The following DPF3 variants were observed in gnomAD, a reference collection of about 807,000 sequenced individuals.
DPF3 encodes double PHD fingers 3, also known as zinc finger protein DPF3.
Under a neutral mutation model 56.8 loss-of-function variants are expected in DPF3, and 18 were observed. That is an observed-to-expected ratio of 0.32 (90% confidence interval 0.22 to 0.47). DPF3 has a LOEUF of 0.47. Among genes scored for constraint, DPF3 ranks in the 20% least tolerant of loss-of-function variants. The probability of loss-of-function intolerance (pLI) is 1.00; values close to 1 mark genes in which losing one functional copy is unlikely to be tolerated. For synonymous variants in DPF3, 188 were observed against 180.2 expected (o/e 1.04, Z -0.35); for missense variants, 403 against 488.8 (o/e 0.82, Z 1.65).
chr14:72,724,711 G>GGT lies in DPF3; in HGVS notation c.430-984_430-983insAC, dbSNP rs1889323351. Among the ~76,000 whole-genome samples, 10 of 142,310 alleles carry GGT rather than the reference G, an allele frequency of 7.0e-5. No individual in the cohort carries two copies. In the South Asian group the frequency reaches 2.3e-3, roughly 32 times the overall value. The allele number at this position is 142,310 out of a possible 152,430, so 93.4% of individuals were successfully genotyped here. ...AGGGGGCCCAGAGGGGTTTTTGTTT[G>GGT]TTTTTTTTTTTTTCTGAGACAGGGA... On this transcript the variant is annotated intron_variant, in intron 4 of 10. Coordinates refer to ENST00000556509, the MANE Select transcript of DPF3 (RefSeq NM_001280542.3).
At chr14:72,699,129 G>A (rs1223812031) in intron 6 of DPF3, among the ~76,000 whole-genome samples, 1 of 152,178 alleles carries the variant, frequency 6.6e-6, no homozygotes, top group East Asian at 1.9e-4. Flanking sequence ...GGAAGAGACT[G>A]TGGAGAGAGA....
Position 72,714,851 on chromosome 14 carries a change from A to G in DPF3, c.526-350T>C, listed in dbSNP as rs543395907. Among the ~76,000 whole-genome samples the G allele has an allele frequency of 5.3e-5, 8 of 152,140 alleles. No individual in the cohort carries two copies. The South Asian group carries it at 1.5e-3, about 28-fold the overall frequency. On this transcript the variant is annotated intron_variant, in intron 5 of 10. Transcript: ENST00000556509. ...GTACTGAAAAGCCCTCCTCTACCAA[A>G]TTCCCACACACTACCGTGCCACTGA...
chr14:72,632,833 GA>G (rs1256460844), intron 8 of DPF3, among the ~76,000 whole-genome samples: 1 of 101,956 alleles, frequency 9.8e-6, no homozygotes, highest in Non-Finnish European at 1.9e-5. Context: ...AAGGGGAGGG[GA>G]AAGGGAGAGG....
intron 1 of DPF3, chr14:72,879,980 A>G: frequency 4.1e-6 from 6 of 1,457,766 alleles, no homozygotes; most frequent in Non-Finnish European, 4.5e-6. Context: ...AAAAAGAAAC[A>G]CCCATCAAGA....
At chr14:72,721,940 T>C (rs1227283655) in intron 5 of DPF3, among the ~76,000 whole-genome samples, 1 of 151,712 alleles carries the variant, frequency 6.6e-6, no homozygotes, top group African/African-American at 2.4e-5. Flanking sequence ...AAAAAATGTG[T>C]GTGGTGGGGT....
chr14:72,876,645 G>T (rs143689111), intron 1 of DPF3, among the ~76,000 whole-genome samples: 1 of 152,046 alleles, frequency 6.6e-6, no homozygotes, highest in African/African-American at 2.4e-5. Context: ...CAAAGGAATC[G>T]CTCAAACGCC....
At chr14:72,693,497 C>T (rs1887787730) in intron 6 of DPF3, among the ~76,000 whole-genome samples, 1 of 152,152 alleles carries the variant, frequency 6.6e-6, no homozygotes, top group East Asian at 1.9e-4. Flanking sequence ...GTCACTTGAC[C>T]TCTCTGTGCC....
intron 1 of DPF3, among the ~76,000 whole-genome samples, chr14:72,832,493 T>C (rs1205019767): frequency 6.6e-6 from 1 of 152,120 alleles, no homozygotes; most frequent in Non-Finnish European, 1.5e-5. Context: ...CCAAATACGA[T>C]TTCAGATATT....
At chr14:72,745,047 G>A (rs899059474) in intron 3 of DPF3, among the ~76,000 whole-genome samples, 1 of 151,014 alleles carries the variant, frequency 6.6e-6, no homozygotes, top group African/African-American at 2.4e-5. Context: ...GTCACACCAG[G>A]AGGCTGGGAG....
chr14:72,736,582 TACAA>T (rs1411189672), intron 3 of DPF3, among the ~76,000 whole-genome samples: 1 of 152,028 alleles, frequency 6.6e-6, no homozygotes, highest in East Asian at 1.9e-4. Context: ...CATCCCTCCC[TACAA>T]ACAAACACAG....
chr14:72,863,092 A>G (rs1290892139), intron 1 of DPF3, among the ~76,000 whole-genome samples: 11 of 136,194 alleles, frequency 8.1e-5, no homozygotes, highest in Admixed American at 1.5e-4. Context: ...ATATATATAT[A>G]TATATATATG....
At chr14:72,696,052 T>C (rs1207459127) in intron 6 of DPF3, among the ~76,000 whole-genome samples, 5 of 152,218 alleles carry the variant, frequency 3.3e-5, no homozygotes, top group Non-Finnish European at 5.9e-5. Context: ...GCTTTTTAGA[T>C]AATCTGAAGT....
Position 72,612,513 on chromosome 14 carries a change from C to T in DPF3, c.*6784G>A, listed in dbSNP as rs754042646. The T allele has an allele frequency of 2.7e-5, 14 of 518,500 alleles. No individual in the cohort carries two copies. In the East Asian group the frequency reaches 3.3e-4, roughly 12 times the overall value. The allele number at this position is 518,500 out of a possible 1,614,324, so 32.1% of individuals were successfully genotyped here. A position where few individuals can be genotyped will look rare whatever the true frequency, so the allele number is the denominator to read the frequency against. On this transcript the variant is annotated 3_prime_UTR_variant, in exon 11 of 11. Transcript: ENST00000556509. The stretch of plus-strand genomic sequence containing the variant: ...CGGGGTATATTTTCTTTTTCCTATA[C>T]GCCACTGTTGCTTCCCACTTCCCAC...
At chr14:72,806,605 G>A (rs3937455) in intron 1 of DPF3, among the ~76,000 whole-genome samples, 8 of 151,980 alleles carry the variant, frequency 5.3e-5, no homozygotes, top group African/African-American at 1.5e-4. Flanking sequence ...TTCCCCACCC[G>A]CACTGGGCGA....
chr14:72,747,686 C>T (rs1890383834), intron 3 of DPF3, among the ~76,000 whole-genome samples: 1 of 151,598 alleles, frequency 6.6e-6, no homozygotes, highest in Admixed American at 6.6e-5. Flanking sequence ...ATCCAAATCT[C>T]ATCTTGTAGC....
chr14:72,659,495 T>G (rs1218495929), intron 8 of DPF3, among the ~76,000 whole-genome samples: 1 of 152,196 alleles, frequency 6.6e-6, no homozygotes, highest in East Asian at 1.9e-4. Flanking sequence ...CTGGATCTCC[T>G]CTATCCTTAG....
chr14:72,693,137 C>A lies in DPF3; in HGVS notation c.681G>T (p.Gly227=). 2 of 1,613,990 alleles carry A rather than the reference C, an allele frequency of 1.2e-6. No homozygotes were observed. Among genetic ancestry groups the A allele is most frequent in the Non-Finnish European group, 1.7e-6 (2 of 1,179,876 alleles). The change falls in exon 7 of 11, where the codon GGG becomes GGT. Residue 227 remains glycine, a synonymous_variant. Transcript: ENST00000556509. The part of the protein sequence containing the change: ...YAHTHLASEE[G]DEAQDQETRS... ...GAGTCTCCTGGTCTTGAGCTTCATC[C>A]CCCTCCTCGCTGGCCAGGTGAGTGT...
chr14:72,732,855 CCTTT>C (rs1235595402), intron 3 of DPF3, among the ~76,000 whole-genome samples: 2 of 152,128 alleles, frequency 1.3e-5, no homozygotes, highest in Admixed American at 6.6e-5. Context: ...CTCCCTCCCT[CCTTT>C]CTTTCTTTCC....
At chr14:72,665,077 C>T (rs1444343027) in intron 8 of DPF3, among the ~76,000 whole-genome samples, 1 of 152,156 alleles carries the variant, frequency 6.6e-6, no homozygotes, top group African/African-American at 2.4e-5. Context: ...CCTACAGATT[C>T]AACAGCAACG....
Sources: gnomAD v4.1 joint callset for allele counts (sites outside exome capture counted in the v4.1 genomes callset) on GRCh38, gnomAD v4.1.1 for gene constraint, MANE v1.5 for transcripts, NCBI Gene and HGNC (gene_info 2026-07-23, HGNC 2026-07-21) for gene names.